Variants in CERT1 observed in about 807,000 individuals in gnomAD.
CERT1 encodes the protein ceramide transfer protein.
Under a neutral mutation model 87.9 loss-of-function variants are expected in CERT1, and 31 were observed. That is an observed-to-expected ratio of 0.35 (90% CI 0.27 to 0.48). The LOEUF (loss-of-function observed/expected upper bound fraction) is 0.48. Ranked by LOEUF, CERT1 falls within the 20% of genes least tolerant of loss-of-function variation. The pLI is 0.99. For synonymous variants in CERT1, 289 were observed against 250.9 expected (o/e 1.15, Z -1.44); for missense variants, 487 against 758.0 (o/e 0.64, Z 4.20).
intron 3 of CERT1, among the ~76,000 whole-genome samples, chr5:75,454,077 T>C (rs1204806281): frequency 6.6e-6 from 1 of 152,166 alleles, no homozygotes; most frequent in Non-Finnish European, 1.5e-5. Context: ...GAAGTAACTG[T>C]GAAATGAACT....
At chr5:75,449,270 T>G (rs1369438185) in intron 3 of CERT1, among the ~76,000 whole-genome samples, 5 of 152,084 alleles carry the variant, frequency 3.3e-5, no homozygotes, top group Admixed American at 3.3e-4. Flanking sequence ...GCAAAAGTTA[T>G]GAATAAACAG....
At chr5:75,493,945 TTCCAAGAGC>T (rs1402448622) in intron 2 of CERT1, among the ~76,000 whole-genome samples, 2 of 152,208 alleles carry the variant, frequency 1.3e-5, no homozygotes, top group Admixed American at 1.3e-4. Flanking sequence ...TATTTATAAT[TTCCAAGAGC>T]TCTTTTTTAA....
intron 2 of CERT1, among the ~76,000 whole-genome samples, chr5:75,483,373 A>T (rs1014045685): frequency 6.6e-6 from 1 of 152,176 alleles, no homozygotes; most frequent in Non-Finnish European, 1.5e-5. Flanking sequence ...TAGCAAGCCT[A>T]CAAGATCTAC....
At chr5:75,439,954 C>T (rs990237442) in intron 3 of CERT1, among the ~76,000 whole-genome samples, 1 of 152,018 alleles carries the variant, frequency 6.6e-6, no homozygotes, top group Non-Finnish European at 1.5e-5. Context: ...GCAAAAACCC[C>T]ACAAGAACAT....
chr5:75,418,509 T>C (rs1763237348), intron 6 of CERT1, among the ~76,000 whole-genome samples: 1 of 152,216 alleles, frequency 6.6e-6, no homozygotes, highest in Non-Finnish European at 1.5e-5. Flanking sequence ...ATAAATACAA[T>C]AAATTTCCAT....
At chr5:75,503,868 ATTTT>A in intron 2 of CERT1, among the ~76,000 whole-genome samples, 1 of 151,870 alleles carries the variant, frequency 6.6e-6, no homozygotes, top group African/African-American at 2.4e-5. Context: ...AAACATTTAA[ATTTT>A]TTGTTTAATT....
intron 12 of CERT1, among the ~76,000 whole-genome samples, chr5:75,386,848 C>T (rs1487426888): frequency 6.6e-6 from 1 of 152,158 alleles, no homozygotes; most frequent in African/African-American, 2.4e-5. Flanking sequence ...ACAGTTCACA[C>T]AGCTAGTAAG....
chr5:75,400,554 A>T (rs1310994038), intron 9 of CERT1: 1 of 383,090 alleles, frequency 2.6e-6, no homozygotes, highest in Non-Finnish European at 4.7e-6. Flanking sequence ...GCTCCTAGTC[A>T]GACTCCCTGC....
chr5:75,414,999 C>G (rs142874617), intron 7 of CERT1, among the ~76,000 whole-genome samples: 2 of 152,032 alleles, frequency 1.3e-5, no homozygotes, highest in Non-Finnish European at 2.9e-5. Flanking sequence ...ACAACTTTCT[C>G]TATTTAAGAA....
At chr5:75,493,408 A>AGTCT (rs1480309968) in intron 2 of CERT1, among the ~76,000 whole-genome samples, 1 of 152,278 alleles carries the variant, frequency 6.6e-6, no homozygotes, top group Non-Finnish European at 1.5e-5. Flanking sequence ...AAATGCTTTT[A>AGTCT]GTCTGTCCTT....
chr5:75,467,592 G>C (rs1317107151), intron 2 of CERT1, among the ~76,000 whole-genome samples: 1 of 143,690 alleles, frequency 7.0e-6, no homozygotes, highest in Non-Finnish European at 1.5e-5. Flanking sequence ...AGTGAGCCAA[G>C]ATTGTGCCAT....
chr5:75,374,594 A>C (rs1244154260), downstream of CERT1: 3 of 697,600 alleles, frequency 4.3e-6, no homozygotes, highest in Non-Finnish European at 5.3e-6. Context: ...TTTGAAACAC[A>C]GTGAAGGTCG....
At chr5:75,449,158 T>C (rs150702823) in intron 3 of CERT1, among the ~76,000 whole-genome samples, 57 of 152,318 alleles carry the variant, frequency 3.7e-4, no homozygotes, top group African/African-American at 8.9e-4. Context: ...CTTTTTTCTT[T>C]TACTTTGGGA....
chr5:75,479,963 G>A (rs1766154411), intron 2 of CERT1, among the ~76,000 whole-genome samples: 1 of 151,950 alleles, frequency 6.6e-6, no homozygotes, highest in South Asian at 2.1e-4. Flanking sequence ...GTTGTTTTTT[G>A]ACTTTTTAAT....
chr5:75,368,953 C>T (rs549058132), intron 17 of CERT1: 3 of 151,910 alleles, frequency 2.0e-5, no homozygotes, highest in Non-Finnish European at 4.4e-5. Flanking sequence ...TGCTGTATCA[C>T]CCAGGCTGGA....
At chr5:75,424,780 G>C (rs977666360) in intron 5 of CERT1, among the ~76,000 whole-genome samples, 3 of 152,080 alleles carry the variant, frequency 2.0e-5, no homozygotes, top group African/African-American at 7.2e-5. Context: ...ATAATACCAA[G>C]ATAATAGATA....
At chr5:75,511,654 C>A, upstream of CERT1, 1 of 1,512,604 alleles carries the variant, frequency 6.6e-7, no homozygotes, top group Non-Finnish European at 8.9e-7. Flanking sequence ...TGTCCTTTCC[C>A]CTCCCCTTCG....
chr5:75,390,846 C>A (rs1029728852), intron 11 of CERT1, among the ~76,000 whole-genome samples: 2 of 152,178 alleles, frequency 1.3e-5, no homozygotes, highest in African/African-American at 4.8e-5. Context: ...TTTTGTCACC[C>A]AGGTTGGAGT....
At chr5:75,494,043 C>A (rs1766938692) in intron 2 of CERT1, among the ~76,000 whole-genome samples, 1 of 151,958 alleles carries the variant, frequency 6.6e-6, no homozygotes, top group African/African-American at 2.4e-5. Context: ...GACAAATTTC[C>A]TTCTTTTTGT....
Sources: gnomAD v4.1 joint callset for allele counts (sites outside exome capture counted in the v4.1 genomes callset) on GRCh38, gnomAD v4.1.1 for gene constraint, MANE v1.5 for transcripts, NCBI Gene and HGNC (gene_info 2026-07-23, HGNC 2026-07-21) for gene names.